ZNF649: variants seen among roughly 807,000 people sequenced by gnomAD.
ZNF649 encodes the protein zinc finger protein 649.
A neutral mutation model predicts 14.1 loss-of-function variants in ZNF649; 7 were observed. The observed-to-expected ratio is 0.49, with a 90% CI of 0.28 to 0.93. ZNF649 has a LOEUF of 0.93. ZNF649 is among the 40% of genes least tolerant of loss of function. ZNF649 has a pLI of 0.10. For missense variants in ZNF649, 544 were observed against 608.1 expected, an observed-to-expected ratio of 0.89 and a Z score of 1.11; for synonymous variants, 227 against 212.3, an observed-to-expected ratio of 1.07 and a Z score of -0.60.
At chr19:51,892,404 C>T (rs1347250707) in intron 4 of ZNF649, among the ~76,000 whole-genome samples, 1 of 149,986 alleles carries the variant, frequency 6.7e-6, no homozygotes, top group Non-Finnish European at 1.5e-5. Flanking sequence ...GCCAGCCAGG[C>T]ACAGTGGCTC....
intron 4 of ZNF649, 179 bp downstream of exon 4, chr19:51,896,293 A>AG: frequency 3.6e-6 from 2 of 548,396 alleles, no homozygotes; most frequent in Non-Finnish European, 6.6e-6. Context: ...GAAGAGATAA[A>AG]GGGGTATGTA....
chr19:51,892,956 T>G (rs1242203574), intron 4 of ZNF649, among the ~76,000 whole-genome samples: 2 of 152,200 alleles, frequency 1.3e-5, no homozygotes, highest in Admixed American at 6.5e-5. Flanking sequence ...CTGTAGCAGC[T>G]AAACAAACAC....
chr19:51,896,144 T>G (rs966685157), intron 4 of ZNF649: 2 of 240,244 alleles, frequency 8.3e-6, no homozygotes, highest in African/African-American at 2.3e-5. Context: ...AAAAACAGTT[T>G]GTCGTTTTTG....
At position 51,890,403 on chromosome 19, in the gene ZNF649, T is replaced by C; in HGVS notation, c.*215A>G. The C allele has an allele frequency of 2.0e-6, 1 of 491,004 alleles. No individual in the cohort carries two copies. The highest frequency in any genetic ancestry group is 3.6e-6 in the Non-Finnish European group (1 of 280,162). 30.4% of individuals were successfully genotyped at this position (491,004 alleles called of 1,614,324 possible). On this transcript the variant is annotated 3_prime_UTR_variant, in exon 5 of 5. Coordinates refer to ENST00000354957, the MANE Select transcript of ZNF649 (RefSeq NM_023074.4). ...AACACCAAGTGGAAGCCTCTAAAACTGCCCCCCTCCCCAGCCAAACTCTAT... is the reference window on the plus strand; with the variant it reads ...AACACCAAGTGGAAGCCTCTAAAACCGCCCCCCTCCCCAGCCAAACTCTAT...
At chr19:51,902,007 AG>A (rs2085097974) in intron 1 of ZNF649, among the ~76,000 whole-genome samples, 6 of 151,604 alleles carry the variant, frequency 4.0e-5, no homozygotes, top group African/African-American at 1.5e-4. Context: ...AAAATAAAAG[AG>A]GCTTCACACA....
chr19:51,901,537 T>C (rs1351920379), intron 1 of ZNF649, among the ~76,000 whole-genome samples: 1 of 152,072 alleles, frequency 6.6e-6, no homozygotes. Flanking sequence ...CCCAGCACTT[T>C]GGGAGGCTGA....
chr19:51,899,929 T>C (rs936210047), intron 2 of ZNF649, 164 bp downstream of exon 2: 42 of 497,688 alleles, frequency 8.4e-5, no homozygotes, highest in Non-Finnish European at 1.2e-4. Context: ...GAACAAAGTA[T>C]TTGTGATCCC....
At position 51,900,083 on chromosome 19, in the gene ZNF649, CAA is replaced by C. The variant is rs748278110; in HGVS notation, c.15+8_15+9del. 7 of 1,521,358 alleles carry C rather than the reference CAA, an allele frequency of 4.6e-6. No individual in the cohort carries two copies. The highest frequency in any genetic ancestry group is 6.2e-6 in the Non-Finnish European group (7 of 1,133,890). 94.2% of individuals were successfully genotyped at this position (1,521,358 alleles called of 1,614,324 possible). On this transcript the variant is annotated splice_region_variant and intron_variant, in intron 2 of 4. Coordinates refer to ENST00000354957, the MANE Select transcript of ZNF649 (RefSeq NM_023074.4). ...GAATCGAGTTAAGAATAAAACAAAC[CAA>C]AAGTTACCTGGGCCTTTGTCATTTT...
intron 4 of ZNF649, 115 bp downstream of exon 4, chr19:51,896,357 A>T (rs2085062268): frequency 1.2e-6 from 1 of 838,472 alleles, no homozygotes. Flanking sequence ...GGGGAGAAGA[A>T]GATGTGGCAG....
intron 4 of ZNF649, among the ~76,000 whole-genome samples, chr19:51,894,217 C>T (rs1244661139): frequency 2.6e-5 from 4 of 152,002 alleles, no homozygotes; most frequent in Non-Finnish European, 4.4e-5. Context: ...ACTTCAACCT[C>T]CGCCTCCCAG....
At chr19:51,897,000 T>C (rs1408523189) in intron 2 of ZNF649, 22 bp from the exon 3 acceptor site, 2 of 1,613,782 alleles carry the variant, frequency 1.2e-6, no homozygotes, top group Non-Finnish European at 1.7e-6. Context: ...CAGTCCTGCT[T>C]AATATGTTTC....
Position 51,890,950 on chromosome 19 carries a change from G to T in ZNF649, c.1186C>A (p.His396Asn). 1 of 1,614,022 alleles carries T rather than the reference G, an allele frequency of 6.2e-7. No homozygotes were observed. The highest frequency in any genetic ancestry group is 8.5e-7 in the Non-Finnish European group (1 of 1,179,906). ...KSGLIRHQKIHSGEKPYKCSD... is the reference protein window; with the variant it reads ...KSGLIRHQKINSGEKPYKCSD... ...CATTTATAGGGTTTCTCTCCTGAGT[G>T]AATTTTCTGATGTCTAATGAGTCCT... The change falls in exon 5 of 5, where the codon CAC becomes AAC. Residue 396 changes from histidine to asparagine, a missense_variant. His to Asn is a moderately conservative substitution (Grantham distance 68). Coordinates refer to ENST00000354957, the MANE Select transcript of ZNF649 (RefSeq NM_023074.4).
chr19:51,896,424 A>G, intron 4 of ZNF649, 48 bp downstream of exon 4: 1 of 1,546,974 alleles, frequency 6.5e-7, no homozygotes, highest in Non-Finnish European at 8.9e-7. Flanking sequence ...AAATGACCAG[A>G]ATGTGACTTC....
At position 51,896,350 on chromosome 19, in the gene ZNF649, GAGA is replaced by G. The variant is rs1188632064; in HGVS notation, c.238+119_238+121del. On this transcript the variant is annotated intron_variant, in intron 4 of 4. Transcript: ENST00000354957. Reference sequence around the variant, plus strand: ...GAAAAAGAGCTCTTGTATCCTAGGGGAGAAGAAGATGTGGCAGCTGTTTCTGTC... The same window carrying G: ...GAAAAAGAGCTCTTGTATCCTAGGGGAGAAGATGTGGCAGCTGTTTCTGTC... 42 of 783,384 alleles carry G rather than the reference GAGA, an allele frequency of 5.4e-5. 1 individual carries two copies. Among genetic ancestry groups the G allele is most frequent in the South Asian group, 1.4e-4 (9 of 62,604 alleles). The allele number at this position is 783,384 out of a possible 1,614,324, so 48.5% of individuals were successfully genotyped here.
Position 51,896,976 on chromosome 19 carries a change from T to C in ZNF649, c.18A>G (p.Glu6=). The C allele has an allele frequency of 6.2e-7, 1 of 1,614,192 alleles. No homozygotes were observed. The highest frequency in any genetic ancestry group is 8.5e-7 in the Non-Finnish European group (1 of 1,180,004). Residue 6 remains glutamate (E), a splice_region_variant and synonymous_variant, in exon 3 of 5, where the codon GAA becomes GAG. Coordinates refer to ENST00000354957, the MANE Select transcript of ZNF649 (RefSeq NM_023074.4). The part of the protein sequence containing the change: MTKAQ[E]SLTLEDVAVD... ...CAGCCACATCCTCCAGGGTCAGTGA[T>C]TCCTGTAATAACACAGTCCTGCTTA...
At position 51,890,700 on chromosome 19, in the gene ZNF649, A is replaced by G. The variant is rs1189243719; in HGVS notation, c.1436T>C (p.Val479Ala). The change falls in exon 5 of 5, where the codon GTG (valine) becomes GCG (alanine). Residue 479 changes from valine to alanine, a missense_variant. By Grantham distance (64) the Val-to-Ala change is moderately conservative (BLOSUM62 0). Transcript: ENST00000354957. ...ASHSLSPSEH[V>A]QGKSPVNMVT... The stretch of plus-strand genomic sequence containing the variant: ...CATATTAACAGGGCTTTTCCCCTGC[A>G]CATGTTCACTAGGACTTAAGCTGTG... 1.9e-6 allele frequency: 3 copies of G among 1,614,210 alleles called. No homozygotes were observed. Among genetic ancestry groups the G allele is most frequent in the Non-Finnish European group, 2.5e-6 (3 of 1,180,036 alleles).
At position 51,890,857 on chromosome 19, in the gene ZNF649, C is replaced by T. The variant is rs2085016862; in HGVS notation, c.1279G>A (p.Glu427Lys). The change falls in exon 5 of 5, where the codon GAG becomes AAG. Residue 427 changes from glutamate to lysine, a missense_variant. Coordinates refer to ENST00000354957, the MANE Select transcript of ZNF649 (RefSeq NM_023074.4). Reference sequence around the variant, plus strand: ...CACTCATCACAGCCATAGGGTCTCTCTCCCGTGTGAGTTCTGTGATGTACA... The same window carrying T: ...CACTCATCACAGCCATAGGGTCTCTTTCCCGTGTGAGTTCTGTGATGTACA... ...LIVHHRTHTG[E>K]RPYGCDECEK... is the part of the protein sequence containing the mutation. 1.9e-6 allele frequency: 3 copies of T among 1,614,140 alleles called. No homozygotes were observed.
In ZNF649 at chr19:51,889,349, C is replaced by T. The variant is rs1284552765; in HGVS notation, c.*1269G>A. 6.6e-6 allele frequency: 1 copy of T among 152,162 alleles called. No homozygotes were observed. The highest frequency in any genetic ancestry group is 6.5e-5 in the Admixed American group (1 of 15,286). The allele number at this position is 152,162 out of a possible 1,614,324, so 9.4% of individuals were successfully genotyped here. A position where few individuals can be genotyped will look rare whatever the true frequency, so the allele number is the denominator to read the frequency against. On this transcript the variant is annotated 3_prime_UTR_variant, in exon 5 of 5. Coordinates refer to ENST00000354957, the MANE Select transcript of ZNF649 (RefSeq NM_023074.4). ...GCTACTAGAAAAAATACACCATAGA[C>T]TGACTGACTGCCTTAACAAACATTC... is the stretch of plus-strand genomic sequence containing the variant.
chr19:51,898,601 C>A (rs560346510), intron 2 of ZNF649, among the ~76,000 whole-genome samples: 1 of 152,028 alleles, frequency 6.6e-6, no homozygotes, highest in Admixed American at 6.5e-5. Context: ...GGAGCTTCTA[C>A]GACGTGGGCA....
Sources: allele counts gnomAD v4.1 joint callset (sites outside exome capture counted in the v4.1 genomes callset), GRCh38; gene constraint gnomAD v4.1.1; transcripts MANE v1.5; gene names NCBI Gene and HGNC (gene_info 2026-07-23, HGNC 2026-07-21).